Variants in WDR70 observed in about 807,000 individuals in gnomAD.
WDR70 encodes the protein WD repeat domain 70.
A neutral mutation model predicts 88.6 loss-of-function variants in WDR70; 53 were observed. That is an observed-to-expected ratio of 0.60 (90% CI 0.48 to 0.75). The LOEUF (loss-of-function observed/expected upper bound fraction) is 0.75. Ranked by LOEUF, WDR70 falls within the 30% of genes least tolerant of loss-of-function variation. The pLI, the probability that WDR70 is intolerant of heterozygous loss-of-function variation, is 0.00. For missense variants in WDR70, 610 were observed against 823.2 expected (o/e 0.74, Z 3.17); for synonymous variants, 280 against 270.0 (o/e 1.04, Z -0.36).
intron 9 of WDR70, among the ~76,000 whole-genome samples, chr5:37,537,648 T>G (rs994748818): frequency 9.9e-5 from 15 of 152,166 alleles, no homozygotes; most frequent in South Asian, 2.1e-4. Context: ...TTTTATTAAA[T>G]GGCTTAATTT....
chr5:37,435,806 A>G (rs1165791562), intron 5 of WDR70, among the ~76,000 whole-genome samples: 1 of 152,192 alleles, frequency 6.6e-6, no homozygotes, highest in Non-Finnish European at 1.5e-5. Flanking sequence ...ATTAAAAATT[A>G]CAATCTAGTG....
At chr5:37,624,551 G>A (rs950134246) in intron 10 of WDR70, among the ~76,000 whole-genome samples, 1 of 152,226 alleles carries the variant, frequency 6.6e-6, no homozygotes, top group East Asian at 1.9e-4. Flanking sequence ...TTTGGATACC[G>A]TAGGGGATAA....
At position 37,512,069 on chromosome 5, in the gene WDR70, T is replaced by A. The variant is rs567284489; in HGVS notation, c.841-4445T>A. 6.5e-4 allele frequency among the ~76,000 whole-genome samples: 99 copies of A among 152,308 alleles called. 1 individual carries two copies. The South Asian group carries it at 0.015, about 23-fold the overall frequency. Reference sequence around the variant, plus strand: ...GCTGAAATCAAGGTGTTGGCAAGAATGTTGGCTCTAGGCAAGAATGCCCTT... The same window carrying A: ...GCTGAAATCAAGGTGTTGGCAAGAAAGTTGGCTCTAGGCAAGAATGCCCTT... On this transcript the variant is annotated intron_variant, in intron 8 of 17. Coordinates refer to ENST00000265107, the MANE Select transcript of WDR70 (RefSeq NM_018034.4).
intron 13 of WDR70, among the ~76,000 whole-genome samples, chr5:37,710,458 G>A (rs902471235): frequency 5.3e-5 from 8 of 152,052 alleles, no homozygotes; most frequent in Admixed American, 2.6e-4. Context: ...ATAAATCAGC[G>A]GTCCCCAACT....
At chr5:37,711,110 T>C (rs2112677593) in intron 13 of WDR70, among the ~76,000 whole-genome samples, 1 of 152,216 alleles carries the variant, frequency 6.6e-6, no homozygotes, top group East Asian at 1.9e-4. Flanking sequence ...AGGAGGAAGC[T>C]TCTAAGTTAG....
intron 7 of WDR70, among the ~76,000 whole-genome samples, chr5:37,456,779 A>G (rs1738853918): frequency 6.6e-6 from 1 of 152,228 alleles, no homozygotes; most frequent in East Asian, 1.9e-4. Flanking sequence ...ACAAATTATA[A>G]ACAAAACATT....
intron 13 of WDR70, among the ~76,000 whole-genome samples, chr5:37,703,362 A>G (rs1747221867): frequency 6.6e-6 from 1 of 152,192 alleles, no homozygotes; most frequent in African/African-American, 2.4e-5. Context: ...GAGGAAGATG[A>G]TCATCATGTA....
At chr5:37,423,951 C>G (rs1750034193) in intron 5 of WDR70, among the ~76,000 whole-genome samples, 1 of 148,924 alleles carries the variant, frequency 6.7e-6, no homozygotes, top group Non-Finnish European at 1.5e-5. Flanking sequence ...GAGTTCAAGA[C>G]CAGCCTGGCC....
At chr5:37,622,117 T>G (rs1744523558) in intron 10 of WDR70, among the ~76,000 whole-genome samples, 1 of 152,188 alleles carries the variant, frequency 6.6e-6, no homozygotes, top group African/African-American at 2.4e-5. Flanking sequence ...TACCATGCTG[T>G]TTTGGTTACT....
chr5:37,532,522 GTTCT>G (rs1353130591), intron 9 of WDR70, among the ~76,000 whole-genome samples: 2 of 152,008 alleles, frequency 1.3e-5, no homozygotes, highest in Admixed American at 1.3e-4. Flanking sequence ...GAGCCCTGAA[GTTCT>G]TTCTTCTGCT....
At chr5:37,595,396 G>GT (rs755229060) in intron 9 of WDR70, among the ~76,000 whole-genome samples, 5 of 152,124 alleles carry the variant, frequency 3.3e-5, no homozygotes, top group Non-Finnish European at 7.4e-5. Context: ...TGTGTGTGTA[G>GT]TATTTATACA....
chr5:37,479,800 G>T (rs1739603892), intron 7 of WDR70, 34 bp from the exon 8 acceptor site: 3 of 1,588,766 alleles, frequency 1.9e-6, no homozygotes, highest in South Asian at 2.3e-5. Context: ...ATTGTGCTTA[G>T]TATCTTACCA....
intron 10 of WDR70, among the ~76,000 whole-genome samples, chr5:37,675,113 A>G (rs1746160903): frequency 1.3e-5 from 2 of 151,948 alleles, no homozygotes; most frequent in Non-Finnish European, 2.9e-5. Context: ...GTTTGAGTTC[A>G]TTGTAGATTC....
At chr5:37,699,652 A>G (rs1448457573) in intron 11 of WDR70, among the ~76,000 whole-genome samples, 1 of 151,918 alleles carries the variant, frequency 6.6e-6, no homozygotes, top group African/African-American at 2.4e-5. Context: ...ACCTTTTTTT[A>G]AAGACTAAAA....
At chr5:37,484,336 T>C (rs1358137258) in intron 8 of WDR70, among the ~76,000 whole-genome samples, 5 of 152,212 alleles carry the variant, frequency 3.3e-5, no homozygotes, top group African/African-American at 1.2e-4. Context: ...GCAGATCACT[T>C]GCGGTTAGGA....
chr5:37,702,102 A>G (rs1747180822), intron 12 of WDR70, among the ~76,000 whole-genome samples: 1 of 152,236 alleles, frequency 6.6e-6, no homozygotes, highest in Non-Finnish European at 1.5e-5. Context: ...AGAGAAGAGC[A>G]TGAAGATAAT....
chr5:37,641,190 A>G (rs1745093100), intron 10 of WDR70, among the ~76,000 whole-genome samples: 1 of 152,112 alleles, frequency 6.6e-6, no homozygotes, highest in Non-Finnish European at 1.5e-5. Context: ...GCTCACTGCA[A>G]CTGCAACCCA....
rs749227396 is a variant in WDR70, at chr5:37,381,690, G to A, written c.175+5G>A. Reference sequence around the variant, plus strand: ...AAAGAAGTCGCAAAACACTGGGTAAGAAGCTCAGATATTTGTTCTTTTATT... The same window carrying A: ...AAAGAAGTCGCAAAACACTGGGTAAAAAGCTCAGATATTTGTTCTTTTATT... On this transcript the variant is annotated splice_donor_5th_base_variant and intron_variant, in intron 3 of 17. Coordinates refer to ENST00000265107, the MANE Select transcript of WDR70 (RefSeq NM_018034.4). 1.2e-6 allele frequency: 2 copies of A among 1,608,836 alleles called. No individual in the cohort carries two copies. Among genetic ancestry groups the A allele is most frequent in the Non-Finnish European group, 1.7e-6 (2 of 1,176,332 alleles).
At chr5:37,736,904 C>T (rs1748321309) in intron 17 of WDR70, among the ~76,000 whole-genome samples, 1 of 152,006 alleles carries the variant, frequency 6.6e-6, no homozygotes, top group South Asian at 2.1e-4. Context: ...ACAAATTATT[C>T]TCCCTTAAGA....
Sources: allele counts gnomAD v4.1 joint callset (sites outside exome capture counted in the v4.1 genomes callset), GRCh38; gene constraint gnomAD v4.1.1; transcripts MANE v1.5; gene names NCBI Gene and HGNC (gene_info 2026-07-23, HGNC 2026-07-21).